IDE: variants seen among roughly 807,000 people sequenced by gnomAD.
IDE encodes insulin-degrading enzyme.
In IDE, 58 loss-of-function variants were observed where a neutral mutation model predicts 133.2. The observed-to-expected ratio is 0.44, with a 90% CI of 0.35 to 0.54. The LOEUF (loss-of-function observed/expected upper bound fraction) is 0.54, where lower values mean the gene tolerates loss of function less well. Ranked by LOEUF, IDE falls within the 20% of genes least tolerant of loss-of-function variation. The pLI is 0.00. For synonymous variants in IDE, 396 were observed against 421.3 expected, an observed-to-expected ratio of 0.94 and a Z score of 0.73; for missense variants, 981 against 1,234.0, an observed-to-expected ratio of 0.79 and a Z score of 3.07.
At chr10:92,523,701 T>TAA (rs74263178) in intron 4 of IDE, among the ~76,000 whole-genome samples, 18 of 117,096 alleles carry the variant, frequency 1.5e-4, no homozygotes, top group African/African-American at 3.1e-4. Context: ...GACTCAGTCT[T>TAA]AAAAAAAAAA....
chr10:92,528,338 G>A (rs931134000), intron 4 of IDE, among the ~76,000 whole-genome samples: 1 of 152,040 alleles, frequency 6.6e-6, no homozygotes, highest in East Asian at 1.9e-4. Flanking sequence ...ATGGATGAGT[G>A]CTGTGTTTTA....
chr10:92,481,621 A>G (rs1846615567), intron 14 of IDE, among the ~76,000 whole-genome samples: 2 of 152,230 alleles, frequency 1.3e-5, no homozygotes, highest in South Asian at 4.1e-4. Context: ...ACAGGGTTTT[A>G]AAAACCATAG....
chr10:92,552,670 C>A (rs1713831421), intron 1 of IDE, among the ~76,000 whole-genome samples: 1 of 151,564 alleles, frequency 6.6e-6, no homozygotes, highest in Admixed American at 6.6e-5. Flanking sequence ...ACCAGTGTGG[C>A]TAACATGGTG....
At chr10:92,548,962 GA>G (rs1264698878) in intron 1 of IDE, among the ~76,000 whole-genome samples, 2 of 152,122 alleles carry the variant, frequency 1.3e-5, no homozygotes, top group African/African-American at 4.8e-5. Flanking sequence ...CACTGTATGG[GA>G]TATCTCCCAC....
intron 2 of IDE, among the ~76,000 whole-genome samples, chr10:92,535,447 C>T (rs1432570752): frequency 6.6e-6 from 1 of 150,578 alleles, no homozygotes; most frequent in Non-Finnish European, 1.5e-5. Flanking sequence ...GGAGACTATA[C>T]AGCACAGTGT....
intron 5 of IDE, among the ~76,000 whole-genome samples, chr10:92,511,487 T>G (rs1258206140): frequency 2.6e-5 from 4 of 152,192 alleles, no homozygotes; most frequent in Non-Finnish European, 5.9e-5. Context: ...GGTATAAACA[T>G]TCATAACCTG....
intron 1 of IDE, among the ~76,000 whole-genome samples, chr10:92,552,115 A>ATC (rs1842814110): frequency 6.6e-6 from 1 of 152,252 alleles, no homozygotes; most frequent in Non-Finnish European, 1.5e-5. Context: ...GAGTAACATA[A>ATC]TCACATTGAA....
intron 4 of IDE, among the ~76,000 whole-genome samples, chr10:92,529,943 T>G (rs1849824067): frequency 6.6e-6 from 1 of 152,088 alleles, no homozygotes; most frequent in Admixed American, 6.5e-5. Context: ...CTTTAAATAA[T>G]CGCCAGGCGC....
At chr10:92,498,092 A>C (rs965612681) in intron 11 of IDE, among the ~76,000 whole-genome samples, 1 of 152,248 alleles carries the variant, frequency 6.6e-6, no homozygotes, top group Non-Finnish European at 1.5e-5. Flanking sequence ...CATACAGATA[A>C]AGCACTATCC....
At chr10:92,527,965 A>C (rs1195581013) in intron 4 of IDE, among the ~76,000 whole-genome samples, 1 of 152,196 alleles carries the variant, frequency 6.6e-6, no homozygotes, top group Non-Finnish European at 1.5e-5. Flanking sequence ...GCAGTGAGCC[A>C]AGGTCACGCC....
At chr10:92,501,160 G>A (rs1293278901) in intron 11 of IDE, among the ~76,000 whole-genome samples, 1 of 149,782 alleles carries the variant, frequency 6.7e-6, no homozygotes, top group East Asian at 2.0e-4. Context: ...AGGAGTTCGA[G>A]ACTAATCTGG....
intron 21 of IDE, among the ~76,000 whole-genome samples, chr10:92,463,406 G>A (rs1340103949): frequency 6.6e-6 from 1 of 152,082 alleles, no homozygotes; most frequent in Non-Finnish European, 1.5e-5. Context: ...TTAGTATTAT[G>A]GGAAATAGAT....
Position 92,508,193 on chromosome 10 carries a change from G to C in IDE, c.1073C>G (p.Thr358Ser), listed in dbSNP as rs772379795. 1 of 1,613,248 alleles carries C rather than the reference G, an allele frequency of 6.2e-7. No individual in the cohort carries two copies. The highest frequency in any genetic ancestry group is 1.1e-5 in the South Asian group (1 of 90,940). The stretch of plus-strand genomic sequence containing the variant: ...TCCTTCCTTCTGCCCACCAACAAGA[G>C]TATTAACCCAGCCTGCAACATTCAA... ...SELKSKGWVNTLVGGQKEGAR... is the reference protein window; with the variant it reads ...SELKSKGWVNSLVGGQKEGAR... The change falls in exon 8 of 25, where the codon ACT becomes AGT. Residue 358 changes from threonine (T) to serine (S), a missense_variant. Around this residue, in one of 2 missense-constraint regions of IDE, gnomAD observed 660 missense variants for 894.7 expected, o/e 0.74. Coordinates refer to ENST00000265986, the MANE Select transcript of IDE (RefSeq NM_004969.4).
chr10:92,545,426 A>G (rs1589517396), intron 1 of IDE, among the ~76,000 whole-genome samples: 1 of 152,242 alleles, frequency 6.6e-6, no homozygotes, highest in East Asian at 1.9e-4. Flanking sequence ...CAGCTTCAAC[A>G]ACTAGAAAAG....
chr10:92,494,510 G>C (rs1311055847), intron 11 of IDE, among the ~76,000 whole-genome samples: 1 of 152,060 alleles, frequency 6.6e-6, no homozygotes, highest in Non-Finnish European at 1.5e-5. Context: ...GGGAGGCCAA[G>C]GCGAGTGGGT....
intron 1 of IDE, among the ~76,000 whole-genome samples, chr10:92,545,587 T>G (rs1473975076): frequency 6.6e-6 from 1 of 152,212 alleles, no homozygotes; most frequent in Non-Finnish European, 1.5e-5. Flanking sequence ...TATCTGCTAA[T>G]TCTGAGTGCA....
intron 13 of IDE, among the ~76,000 whole-genome samples, chr10:92,485,125 C>CTTTTTTTTTTTTTTTTTTTTTT (rs34615998): frequency 3.0e-5 from 3 of 100,858 alleles, no homozygotes; most frequent in Non-Finnish European, 5.6e-5. Context: ...TTCTTTCTTT[C>CTTTTTTTTTTTTTTTTTTTTTT]TTTTTTTTTT....
At chr10:92,527,744 C>T (rs1381190832) in intron 4 of IDE, among the ~76,000 whole-genome samples, 3 of 152,146 alleles carry the variant, frequency 2.0e-5, no homozygotes, top group Non-Finnish European at 4.4e-5. Context: ...TGGCCGGGCA[C>T]GGTGGCTAAT....
chr10:92,495,872 T>A (rs1847660606), intron 11 of IDE, among the ~76,000 whole-genome samples: 1 of 151,790 alleles, frequency 6.6e-6, no homozygotes, highest in Non-Finnish European at 1.5e-5. Context: ...CTAAAAACCA[T>A]TTTTTAAGTG....
Sources: gnomAD v4.1 joint callset for allele counts (sites outside exome capture counted in the v4.1 genomes callset) on GRCh38, gnomAD v4.1.1 for gene constraint, gnomAD v4.1.1 regional missense constraint, MANE v1.5 for transcripts, NCBI Gene and HGNC (gene_info 2026-07-23, HGNC 2026-07-21) for gene names.